GRAP2: variants seen among roughly 807,000 people sequenced by gnomAD.
The protein encoded by GRAP2 is GRB2-related adapter protein 2.
Under a neutral mutation model 43.5 loss-of-function variants are expected in GRAP2, and 31 were observed. The ratio of observed to expected loss-of-function variants is 0.71; its 90% CI spans 0.54 to 0.96. GRAP2 has a LOEUF of 0.96. GRAP2 is among the 40% of genes least tolerant of loss of function. The pLI, the probability that GRAP2 is intolerant of heterozygous loss-of-function variation, is 0.00. For missense variants in GRAP2, 371 were observed against 424.4 expected, an observed-to-expected ratio of 0.87 and a Z score of 1.11; for synonymous variants, 156 against 164.8, an observed-to-expected ratio of 0.95 and a Z score of 0.41.
chr22:39,920,568 A>C (rs1023486169), intron 1 of GRAP2, among the ~76,000 whole-genome samples: 1 of 152,068 alleles, frequency 6.6e-6, no homozygotes, highest in Non-Finnish European at 1.5e-5. Flanking sequence ...TTTCTTTGGC[A>C]CAGGCATTTG....
chr22:39,895,091 C>T, the GRAP2 span, among the ~76,000 whole-genome samples: 2 of 152,114 alleles, frequency 1.3e-5, no homozygotes, highest in Non-Finnish European at 2.9e-5. Flanking sequence ...AGTGGAGCAG[C>T]AGAGGAAGGT....
At position 39,972,192 on chromosome 22, in the gene GRAP2, C is replaced by T. The variant is rs987380723; in HGVS notation, c.*1108C>T. On this transcript the variant is annotated 3_prime_UTR_variant, in exon 8 of 8. Coordinates refer to ENST00000344138, the MANE Select transcript of GRAP2 (RefSeq NM_004810.4). ...CCACCATGGCTGTCGCTCTCCATCCCATCACGCTAGAATCATGTGTCCAAG... is the reference window on the plus strand; with the variant it reads ...CCACCATGGCTGTCGCTCTCCATCCTATCACGCTAGAATCATGTGTCCAAG... 2.0e-5 allele frequency: 3 copies of T among 152,546 alleles called. No individual in the cohort carries two copies. The highest frequency in any genetic ancestry group is 7.2e-5 in the African/African-American group (3 of 41,486). 9.4% of individuals were successfully genotyped at this position (152,546 alleles called of 1,614,324 possible). A position where few individuals can be genotyped will look rare whatever the true frequency, so the allele number is the denominator to read the frequency against.
At position 39,959,047 on chromosome 22, in the gene GRAP2, ATC is replaced by A. The variant is rs559335495; in HGVS notation, c.171-1006_171-1005del. On this transcript the variant is annotated intron_variant, in intron 3 of 7. Coordinates refer to ENST00000344138, the MANE Select transcript of GRAP2 (RefSeq NM_004810.4). ...CAAAGCCAAGGCCTGACGGGCTTTTATCTTAAAGGAACATGCGTATGAGCCTT... is the reference window on the plus strand; with the variant it reads ...CAAAGCCAAGGCCTGACGGGCTTTTATTAAAGGAACATGCGTATGAGCCTT... Among the ~76,000 whole-genome samples, 25 of 152,350 alleles carry A rather than the reference ATC, an allele frequency of 1.6e-4. No individual in the cohort carries two copies. The East Asian group carries it at 4.2e-3, about 26-fold the overall frequency.
Position 39,915,188 on chromosome 22 carries a change from C to CAA in GRAP2, c.-15+13874_-15+13875dup, listed in dbSNP as rs71326789. On this transcript the variant is annotated intron_variant, in intron 1 of 7. Coordinates refer to ENST00000344138, the MANE Select transcript of GRAP2 (RefSeq NM_004810.4). ...TGGGCGACAGAGTCAGACTCCATCT[C>CAA]AAAAAAAAAAAAAAAAAGAAAAGAA... is the stretch of plus-strand genomic sequence containing the variant. 1.6e-3 allele frequency among the ~76,000 whole-genome samples: 92 copies of CAA among 56,798 alleles called. 1 individual carries two copies. The highest frequency in any genetic ancestry group is 3.9e-3 in the African/African-American group (56 of 14,508). 37.3% of individuals were successfully genotyped at this position (56,798 alleles called of 152,430 possible).
intron 1 of GRAP2, among the ~76,000 whole-genome samples, chr22:39,941,253 T>C (rs773860384): frequency 2.6e-5 from 4 of 152,206 alleles, no homozygotes; most frequent in Non-Finnish European, 4.4e-5. Context: ...CTGCCATTCG[T>C]TGGACACCTA....
chr22:39,966,053 G>C lies in GRAP2; in HGVS notation c.354G>C (p.Trp118Cys). The stretch of plus-strand genomic sequence containing the variant: ...ACAACAAGGGTAATTACTTTCTGTG[G>C]ACTGAGAAGTTTCCATCCCTAAATA... ...MRDNKGNYFL[W>C]TEKFPSLNKL... Residue 118 changes from tryptophan (W) to cysteine (C), a missense_variant, in exon 5 of 8, where the codon TGG (tryptophan) becomes TGC (cysteine). Trp to Cys is a radical substitution (Grantham distance 215). Coordinates refer to ENST00000344138, the MANE Select transcript of GRAP2 (RefSeq NM_004810.4). 7 of 1,613,752 alleles carry C rather than the reference G, an allele frequency of 4.3e-6. No homozygotes were observed. The highest frequency in any genetic ancestry group is 5.9e-6 in the Non-Finnish European group (7 of 1,179,608).
chr22:39,956,276 G>C (rs1816141791), intron 3 of GRAP2, among the ~76,000 whole-genome samples: 1 of 150,852 alleles, frequency 6.6e-6, no homozygotes, highest in Non-Finnish European at 1.5e-5. Flanking sequence ...TCTCACCTCA[G>C]CCTCCCAAGT....
chr22:39,954,706 A>G (rs1476735667), intron 2 of GRAP2, among the ~76,000 whole-genome samples: 3 of 152,172 alleles, frequency 2.0e-5, no homozygotes, highest in Non-Finnish European at 4.4e-5. Context: ...CAGACTTTCA[A>G]AACATTCTCA....
At chr22:39,925,010 G>C (rs918997926) in intron 1 of GRAP2, among the ~76,000 whole-genome samples, 1 of 152,216 alleles carries the variant, frequency 6.6e-6, no homozygotes, top group Non-Finnish European at 1.5e-5. Flanking sequence ...AGTAAAGGCA[G>C]AGTGGTGGGA....
chr22:39,898,046 C>T (rs970814174), upstream of GRAP2, among the ~76,000 whole-genome samples: 1 of 152,184 alleles, frequency 6.6e-6, no homozygotes, highest in Non-Finnish European at 1.5e-5. Context: ...GATCTCCATC[C>T]CAACTCCTCT....
intron 1 of GRAP2, among the ~76,000 whole-genome samples, chr22:39,932,109 G>C (rs1433132671): frequency 6.6e-6 from 1 of 152,162 alleles, no homozygotes; most frequent in East Asian, 1.9e-4. Context: ...TGTGGGACAG[G>C]CGTTGCATGA....
chr22:39,943,191 A>C (rs2066887816), intron 1 of GRAP2, among the ~76,000 whole-genome samples: 1 of 152,158 alleles, frequency 6.6e-6, no homozygotes. Context: ...ATCCACTTAT[A>C]ATCTGGGTTT....
upstream of GRAP2, among the ~76,000 whole-genome samples, chr22:39,897,581 G>A (rs1317227165): frequency 1.3e-5 from 2 of 148,186 alleles, no homozygotes; most frequent in Non-Finnish European, 3.0e-5. Context: ...GTGCAATGGC[G>A]CAATCTCGGC....
At chr22:39,922,130 G>A (rs534550588) in intron 1 of GRAP2, among the ~76,000 whole-genome samples, 3 of 152,334 alleles carry the variant, frequency 2.0e-5, no homozygotes, top group African/African-American at 7.2e-5. Flanking sequence ...GGGCTATGCT[G>A]TAAAGTCACA....
intron 1 of GRAP2, among the ~76,000 whole-genome samples, chr22:39,925,614 G>A (rs115678319): frequency 6.6e-6 from 1 of 152,286 alleles, no homozygotes; most frequent in South Asian, 2.1e-4. Context: ...ATCTTCCTGT[G>A]CTCCAGCAGT....
upstream of GRAP2, among the ~76,000 whole-genome samples, chr22:39,897,968 TCTCA>T (rs2066472527): frequency 6.6e-6 from 1 of 152,186 alleles, no homozygotes; most frequent in Non-Finnish European, 1.5e-5. Flanking sequence ...TTGGCTTCCA[TCTCA>T]CTCAGAGTAA....
Position 39,971,165 on chromosome 22 carries a change from A to G in GRAP2, c.*81A>G, listed in dbSNP as rs1417006149. On this transcript the variant is annotated 3_prime_UTR_variant, in exon 8 of 8. Transcript: ENST00000344138. Reference sequence around the variant, plus strand: ...GGAAAAAAGGCTGGACTCCATGACTATATATACATACATCTATCTACATCT... The same window carrying G: ...GGAAAAAAGGCTGGACTCCATGACTGTATATACATACATCTATCTACATCT... 4 of 1,021,776 alleles carry G rather than the reference A, an allele frequency of 3.9e-6. No individual in the cohort carries two copies. The highest frequency in any genetic ancestry group is 4.5e-6 in the Non-Finnish European group (3 of 672,832). The allele number at this position is 1,021,776 out of a possible 1,614,324, so 63.3% of individuals were successfully genotyped here.
intron 1 of GRAP2, among the ~76,000 whole-genome samples, chr22:39,914,820 A>C (rs1297192351): frequency 6.6e-6 from 1 of 152,200 alleles, no homozygotes; most frequent in African/African-American, 2.4e-5. Context: ...GAACGTACGT[A>C]CGTCAAATGA....
rs2145691349 is a variant in GRAP2, at chr22:39,973,106, TTTGG to T, written c.*2024_*2027del. On this transcript the variant is annotated 3_prime_UTR_variant, in exon 8 of 8. Coordinates refer to ENST00000344138, the MANE Select transcript of GRAP2 (RefSeq NM_004810.4). ...AGGCAGAGAAGACCTCCTCAGCTAT[TTTGG>T]TGCTAGGTAATGTGAAATGCTGCAG... 6.6e-6 allele frequency: 1 copy of T among 152,540 alleles called. No individual in the cohort carries two copies. The highest frequency in any genetic ancestry group is 6.5e-5 in the Admixed American group (1 of 15,310). 9.4% of individuals were successfully genotyped at this position (152,540 alleles called of 1,614,324 possible). A position where few individuals can be genotyped will look rare whatever the true frequency, so the allele number is the denominator to read the frequency against.
Sources: gnomAD v4.1 joint callset for allele counts (sites outside exome capture counted in the v4.1 genomes callset) on GRCh38, gnomAD v4.1.1 for gene constraint, MANE v1.5 for transcripts, NCBI Gene and HGNC (gene_info 2026-07-23, HGNC 2026-07-21) for gene names.